Variants in NEAT1 observed in about 807,000 individuals in gnomAD.
The protein encoded by NEAT1 is MENepsilon/beta.
chr11:65,439,524 A>G (rs574001503), exon 1 of NEAT1: 3 of 152,234 alleles, frequency 2.0e-5, no homozygotes, highest in African/African-American at 7.2e-5. Flanking sequence ...TGTCTCTACT[A>G]AAAATACAAA....
rs538063538 is a variant in NEAT1, at chr11:65,426,978, T to G, written n.4181T>G. 6 of 152,300 alleles carry G rather than the reference T, an allele frequency of 3.9e-5. No homozygotes were observed. In the South Asian group the frequency reaches 1.2e-3, roughly 32 times the overall value. 9.4% of individuals were successfully genotyped at this position (152,300 alleles called of 1,614,324 possible). Reference sequence around the variant, plus strand: ...AATGTGCCTGGGATTTGGGTCTAAGTGTATGCGTAATTCTTACCTCACTAA... The same window carrying G: ...AATGTGCCTGGGATTTGGGTCTAAGGGTATGCGTAATTCTTACCTCACTAA... On this transcript the variant is annotated non_coding_transcript_exon_variant, in exon 1 of 1. Coordinates refer to ENST00000501122, the Ensembl canonical transcript of NEAT1.
At chr11:65,444,426 G>A in exon 1 of NEAT1, 1 of 471,732 alleles carries the variant, frequency 2.1e-6, no homozygotes, top group Non-Finnish European at 4.4e-6. Flanking sequence ...GTGTGTCCCT[G>A]AGCAGGTTAC....
chr11:65,429,803 A>G (rs773743693), exon 1 of NEAT1: 1 of 152,024 alleles, frequency 6.6e-6, no homozygotes, highest in East Asian at 1.9e-4. Flanking sequence ...TTCGTTTTTT[A>G]CATTTAAACC....
At chr11:65,443,557 G>GA (rs1565637896) in exon 1 of NEAT1, 2 of 152,232 alleles carry the variant, frequency 1.3e-5, no homozygotes, top group Non-Finnish European at 2.9e-5. Flanking sequence ...TGTGGTTGGG[G>GA]TCCTCTGGGG....
exon 1 of NEAT1, chr11:65,433,529 C>T (rs1256677740): frequency 1.3e-5 from 2 of 151,880 alleles, no homozygotes; most frequent in Non-Finnish European, 2.9e-5. Context: ...ATCTCCTATC[C>T]AATACAAAAA....
At chr11:65,425,142 C>G (rs1055179818) in exon 1 of NEAT1, 1 of 152,048 alleles carries the variant, frequency 6.6e-6, no homozygotes, top group Non-Finnish European at 1.5e-5. Flanking sequence ...TAAGTTGTTG[C>G]TTGGAAGTGA....
chr11:65,432,936 C>T (rs1203054929), exon 1 of NEAT1: 1 of 150,636 alleles, frequency 6.6e-6, no homozygotes, highest in African/African-American at 2.4e-5. Context: ...AGTGAGAACA[C>T]ACAGTATTTG....
chr11:65,426,428 C>T (rs1856562585), exon 1 of NEAT1: 1 of 152,112 alleles, frequency 6.6e-6, no homozygotes, highest in Admixed American at 6.5e-5. Flanking sequence ...TGGTATGTTG[C>T]TCTGTATGGT....
chr11:65,423,658 G>A (rs1018872506), exon 1 of NEAT1: 1 of 152,380 alleles, frequency 6.6e-6, no homozygotes, highest in South Asian at 2.1e-4. Flanking sequence ...TTTTCTCTAG[G>A]TTTGGCGCTA....
At chr11:65,426,178 T>C (rs1856559718) in exon 1 of NEAT1, 1 of 152,224 alleles carries the variant, frequency 6.6e-6, no homozygotes, top group Non-Finnish European at 1.5e-5. Context: ...AAGTTTCACT[T>C]GAAATTTTAA....
exon 1 of NEAT1, chr11:65,436,191 C>T (rs1194454500): frequency 1.3e-5 from 2 of 152,242 alleles, no homozygotes; most frequent in Non-Finnish European, 2.9e-5. Flanking sequence ...CAGCGAGGCA[C>T]CACCCGGCTT....
exon 1 of NEAT1, chr11:65,444,262 A>AGT (rs1856742502): frequency 3.4e-6 from 1 of 295,012 alleles, no homozygotes; most frequent in Non-Finnish European, 6.4e-6. Context: ...TAGTCCTCAG[A>AGT]CTGTGTGTGT....
chr11:65,440,331 G>A (rs924906234), exon 1 of NEAT1: 1 of 152,064 alleles, frequency 6.6e-6, no homozygotes, highest in South Asian at 2.1e-4. Flanking sequence ...AAGGCCAAGC[G>A]TGGTGGCATG....
exon 1 of NEAT1, chr11:65,426,637 C>T (rs1005529854): frequency 1.3e-4 from 20 of 152,128 alleles, no homozygotes; most frequent in African/African-American, 4.8e-4. Flanking sequence ...TTGCTAGCTC[C>T]AAGTAATTAA....
exon 1 of NEAT1, chr11:65,427,829 A>G (rs577386667): frequency 1.3e-5 from 2 of 152,274 alleles, no homozygotes; most frequent in East Asian, 3.9e-4. Flanking sequence ...ACCCTGGAAG[A>G]TAACTGCTAT....
exon 1 of NEAT1, chr11:65,426,752 A>C (rs1301521937): frequency 6.6e-6 from 1 of 152,186 alleles, no homozygotes; most frequent in Non-Finnish European, 1.5e-5. Flanking sequence ...GAGAGTTGGT[A>C]ATCATTGGTT....
exon 1 of NEAT1, chr11:65,435,840 C>T (rs553468374): frequency 2.0e-5 from 3 of 152,284 alleles, no homozygotes; most frequent in African/African-American, 7.2e-5. Flanking sequence ...CTGCAGGCCC[C>T]AGAGTCTAAT....
At chr11:65,444,454 T>A (rs1245444409) in exon 1 of NEAT1, 1 of 472,532 alleles carries the variant, frequency 2.1e-6, no homozygotes, top group South Asian at 1.5e-5. Flanking sequence ...TCTGAGCCTC[T>A]GCTTCCCATC....
At chr11:65,424,992 G>A (rs1028065032) in exon 1 of NEAT1, 9 of 151,900 alleles carry the variant, frequency 5.9e-5, no homozygotes, top group Non-Finnish European at 1.2e-4. Context: ...GAAGGGGAGA[G>A]GGTTGGTTAG....
Sources: allele counts gnomAD v4.1 joint callset, GRCh38; gene constraint gnomAD v4.1.1; transcripts MANE v1.5; gene names NCBI Gene and HGNC (gene_info 2026-07-23, HGNC 2026-07-21).